HMGCLL1: variants seen among roughly 807,000 people sequenced by gnomAD.
The protein encoded by HMGCLL1 is 3-hydroxymethyl-3-methylglutaryl-CoA lyase, cytoplasmic.
A neutral mutation model predicts 39.1 loss-of-function variants in HMGCLL1; 36 were observed. The ratio of observed to expected loss-of-function variants is 0.92; its 90% CI spans 0.71 to 1.22. The LOEUF (loss-of-function observed/expected upper bound fraction) is 1.22. HMGCLL1 is among the 50% of genes most tolerant of loss of function. HMGCLL1 has a pLI of 0.00. For synonymous variants in HMGCLL1, 149 were observed against 144.0 expected, an observed-to-expected ratio of 1.03 and a Z score of -0.25; for missense variants, 451 against 416.5, an observed-to-expected ratio of 1.08 and a Z score of -0.72.
At chr6:55,483,104 T>C (rs755407148) in intron 7 of HMGCLL1, among the ~76,000 whole-genome samples, 35 of 152,202 alleles carry the variant, frequency 2.3e-4, no homozygotes, top group Middle Eastern at 3.4e-3. Flanking sequence ...CCTGAATAAA[T>C]TGAAAAATAC....
intron 3 of HMGCLL1, among the ~76,000 whole-genome samples, chr6:55,534,061 C>G (rs1461819161): frequency 6.6e-6 from 1 of 152,120 alleles, no homozygotes; most frequent in Admixed American, 6.5e-5. Flanking sequence ...TTCAACACCT[C>G]TTAATCTCAT....
At chr6:55,606,338 A>G in the HMGCLL1 span, among the ~76,000 whole-genome samples, 5 of 152,148 alleles carry the variant, frequency 3.3e-5, no homozygotes, top group African/African-American at 4.8e-5. Context: ...TAAGGTTAAA[A>G]TAAGAAATAT....
chr6:55,453,243 A>G (rs1166738520), intron 7 of HMGCLL1, among the ~76,000 whole-genome samples: 1 of 152,154 alleles, frequency 6.6e-6, no homozygotes, highest in East Asian at 1.9e-4. Context: ...CAGTGGTGCA[A>G]TCTCGGCTCA....
the HMGCLL1 span, among the ~76,000 whole-genome samples, chr6:55,592,018 A>G: frequency 2.2e-3 from 332 of 152,068 alleles, 1 homozygote; most frequent in African/African-American, 7.1e-3. Context: ...ACTAATTTTT[A>G]TAACTTTCAA....
intron 1 of HMGCLL1, among the ~76,000 whole-genome samples, chr6:55,557,198 T>C (rs1333258169): frequency 3.3e-5 from 5 of 152,236 alleles, no homozygotes; most frequent in African/African-American, 1.2e-4. Flanking sequence ...TACACGAAGA[T>C]TTATTCGTAT....
chr6:55,479,947 A>T (rs894285217), intron 7 of HMGCLL1, among the ~76,000 whole-genome samples: 1 of 151,580 alleles, frequency 6.6e-6, no homozygotes, highest in South Asian at 2.1e-4. Flanking sequence ...TCCCATCCCC[A>T]TTACCAACAT....
chr6:55,453,766 G>A (rs4389754), intron 7 of HMGCLL1, among the ~76,000 whole-genome samples: 10,180 of 152,170 alleles, frequency 0.067, 421 homozygotes, highest in East Asian at 0.17. Flanking sequence ...GAAGCATAAG[G>A]AAAAAGATTG....
chr6:55,609,235 G>C, the HMGCLL1 span, among the ~76,000 whole-genome samples: 1 of 152,170 alleles, frequency 6.6e-6, no homozygotes, highest in African/African-American at 2.4e-5. Flanking sequence ...AGCTCCCTGG[G>C]GGAGGGGTGG....
At chr6:55,471,127 T>C (rs1247026222) in intron 7 of HMGCLL1, among the ~76,000 whole-genome samples, 5 of 151,840 alleles carry the variant, frequency 3.3e-5, no homozygotes. Flanking sequence ...TAAAATGTTA[T>C]AATATGATTG....
the HMGCLL1 span, among the ~76,000 whole-genome samples, chr6:55,621,641 T>G: frequency 1.3e-5 from 2 of 151,884 alleles, no homozygotes; most frequent in African/African-American, 4.8e-5. Flanking sequence ...ACAAGCTCAG[T>G]GCTCCGACTG....
chr6:55,504,139 C>CA (rs1376935568), intron 5 of HMGCLL1, among the ~76,000 whole-genome samples: 8 of 151,790 alleles, frequency 5.3e-5, no homozygotes, highest in South Asian at 2.1e-4. Context: ...TATATATCCA[C>CA]AAAAAACTTT....
intron 3 of HMGCLL1, among the ~76,000 whole-genome samples, chr6:55,517,016 T>C (rs142357784): frequency 8.5e-5 from 13 of 152,198 alleles, no homozygotes; most frequent in African/African-American, 2.9e-4. Flanking sequence ...TGTATGAAAT[T>C]TTACAATGTT....
chr6:55,539,043 C>T (rs572514620), intron 3 of HMGCLL1, among the ~76,000 whole-genome samples: 7 of 152,192 alleles, frequency 4.6e-5, no homozygotes, highest in Non-Finnish European at 1.0e-4. Flanking sequence ...GTTCTAACTG[C>T]AGAGAAACGC....
the HMGCLL1 span, among the ~76,000 whole-genome samples, chr6:55,592,415 T>C: frequency 6.6e-6 from 1 of 152,116 alleles, no homozygotes; most frequent in Non-Finnish European, 1.5e-5. Flanking sequence ...GTCAAGTTTA[T>C]GTGCAACATT....
the HMGCLL1 span, among the ~76,000 whole-genome samples, chr6:55,606,691 C>T: frequency 6.6e-6 from 1 of 151,328 alleles, no homozygotes; most frequent in Non-Finnish European, 1.5e-5. Flanking sequence ...AGACAGAATT[C>T]CCTCATATAT....
At chr6:55,485,167 C>T (rs1018631683) in intron 7 of HMGCLL1, among the ~76,000 whole-genome samples, 3 of 152,062 alleles carry the variant, frequency 2.0e-5, no homozygotes, top group Non-Finnish European at 4.4e-5. Context: ...TTCCCGACCA[C>T]TTAGTAAATA....
chr6:55,509,392 A>C (rs1226204663), intron 5 of HMGCLL1, among the ~76,000 whole-genome samples: 4 of 151,822 alleles, frequency 2.6e-5, no homozygotes, highest in Non-Finnish European at 5.9e-5. Flanking sequence ...GGAGCCCTAA[A>C]TAAGGAGACT....
At chr6:55,658,673 C>T in the HMGCLL1 span, among the ~76,000 whole-genome samples, 29 of 151,988 alleles carry the variant, frequency 1.9e-4, no homozygotes, top group Admixed American at 1.8e-3. Context: ...TGGTATATAG[C>T]TAAATCATTT....
chr6:55,447,587 AG>A (rs1337768618), intron 7 of HMGCLL1, among the ~76,000 whole-genome samples: 23 of 152,160 alleles, frequency 1.5e-4, no homozygotes, highest in African/African-American at 5.1e-4. Flanking sequence ...GAAGGAAGTA[AG>A]GAAAAAAAAA....
Sources: gnomAD v4.1 joint callset for allele counts (sites outside exome capture counted in the v4.1 genomes callset) on GRCh38, gnomAD v4.1.1 for gene constraint, MANE v1.5 for transcripts, NCBI Gene and HGNC (gene_info 2026-07-23, HGNC 2026-07-21) for gene names.